Variants in TBC1D5 observed in about 807,000 individuals in gnomAD.
TBC1D5 encodes the protein TBC1 domain family, member 5.
In TBC1D5, 75 loss-of-function variants were observed where a neutral mutation model predicts 100.3. The observed-to-expected ratio is 0.75, with a 90% CI of 0.62 to 0.91. TBC1D5 has a LOEUF of 0.91. Among genes scored for constraint, TBC1D5 ranks in the 40% least tolerant of loss-of-function variants. TBC1D5 has a pLI of 0.00. For synonymous variants in TBC1D5, 323 were observed against 325.6 expected (o/e 0.99, Z 0.09); for missense variants, 910 against 942.4 (o/e 0.97, Z 0.45).
At chr3:17,632,461 G>A (rs2063580574) in intron 1 of TBC1D5, among the ~76,000 whole-genome samples, 1 of 152,216 alleles carries the variant, frequency 6.6e-6, no homozygotes, top group African/African-American at 2.4e-5. Flanking sequence ...CAGTAGCAGA[G>A]TTTGAGAGAA....
intron 15 of TBC1D5, among the ~76,000 whole-genome samples, chr3:17,271,559 C>T (rs1454873736): frequency 2.0e-5 from 3 of 152,070 alleles, no homozygotes; most frequent in Non-Finnish European, 4.4e-5. Flanking sequence ...AAGAGAGATA[C>T]TCTGACTACC....
At chr3:17,718,954 T>C (rs547963279) in intron 1 of TBC1D5, among the ~76,000 whole-genome samples, 3 of 152,162 alleles carry the variant, frequency 2.0e-5, no homozygotes, top group Non-Finnish European at 4.4e-5. Context: ...ACACAAAAAG[T>C]ACAAATTCTT....
intron 18 of TBC1D5, among the ~76,000 whole-genome samples, chr3:17,186,708 TC>T: frequency 7.9e-5 from 1 of 12,724 alleles, no homozygotes; most frequent in Non-Finnish European, 1.4e-4. Flanking sequence ...AAACTCTATC[TC>T]CAAAAAAAAA....
At chr3:17,529,977 C>T (rs919747090) in intron 2 of TBC1D5, among the ~76,000 whole-genome samples, 5 of 152,122 alleles carry the variant, frequency 3.3e-5, no homozygotes, top group Non-Finnish European at 7.4e-5. Context: ...GGCACGGTGC[C>T]TCACACCTGT....
intron 1 of TBC1D5, among the ~76,000 whole-genome samples, chr3:17,675,713 A>T (rs552978323): frequency 6.6e-6 from 1 of 152,290 alleles, no homozygotes; most frequent in East Asian, 1.9e-4. Flanking sequence ...GGTAATTATG[A>T]TGGTGAAATT....
intron 18 of TBC1D5, among the ~76,000 whole-genome samples, chr3:17,193,232 C>A (rs549523624): frequency 6.6e-6 from 1 of 152,280 alleles, no homozygotes; most frequent in East Asian, 1.9e-4. Flanking sequence ...TCATTCAAAC[C>A]CCTTCTCTTC....
intron 2 of TBC1D5, among the ~76,000 whole-genome samples, chr3:17,535,753 A>G (rs1056404705): frequency 6.6e-6 from 1 of 152,188 alleles, no homozygotes; most frequent in African/African-American, 2.4e-5. Flanking sequence ...AAACACACAC[A>G]TAAAAAATCC....
At chr3:17,408,448 T>C (rs992149625) in intron 4 of TBC1D5, among the ~76,000 whole-genome samples, 2 of 151,992 alleles carry the variant, frequency 1.3e-5, no homozygotes, top group African/African-American at 4.8e-5. Flanking sequence ...TAGCTGAGGC[T>C]ACTCAGGAGG....
At chr3:17,417,763 C>T (rs2094118912) in intron 4 of TBC1D5, among the ~76,000 whole-genome samples, 1 of 152,114 alleles carries the variant, frequency 6.6e-6, no homozygotes, top group South Asian at 2.1e-4. Context: ...TGAGGAATCG[C>T]CACACTGACT....
intron 13 of TBC1D5, among the ~76,000 whole-genome samples, chr3:17,323,036 A>C (rs753512219): frequency 1.3e-5 from 2 of 152,244 alleles, no homozygotes; most frequent in Non-Finnish European, 2.9e-5. Context: ...AAAATCTCAA[A>C]GTAGTTTAAC....
chr3:17,489,638 T>C (rs1418524909), intron 3 of TBC1D5, among the ~76,000 whole-genome samples: 1 of 152,172 alleles, frequency 6.6e-6, no homozygotes, highest in African/African-American at 2.4e-5. Flanking sequence ...AACCGCCATG[T>C]CCAGGGTTCA....
intron 1 of TBC1D5, among the ~76,000 whole-genome samples, chr3:17,635,906 G>A (rs1006228767): frequency 6.6e-6 from 1 of 152,046 alleles, no homozygotes; most frequent in African/African-American, 2.4e-5. Context: ...TTAAAAGAAT[G>A]TTTTGGCCGG....
intron 17 of TBC1D5, among the ~76,000 whole-genome samples, chr3:17,223,209 A>G (rs2074472171): frequency 6.6e-6 from 1 of 152,156 alleles, no homozygotes; most frequent in African/African-American, 2.4e-5. Flanking sequence ...TTCATGTTGA[A>G]ATTATATTAA....
intron 8 of TBC1D5, among the ~76,000 whole-genome samples, chr3:17,391,060 C>T (rs1409986028): frequency 2.0e-5 from 3 of 152,102 alleles, no homozygotes; most frequent in Non-Finnish European, 2.9e-5. Context: ...ACCGGCAGGC[C>T]TCTGTACACA....
At chr3:17,709,053 A>G (rs2074445383) in intron 1 of TBC1D5, among the ~76,000 whole-genome samples, 1 of 152,192 alleles carries the variant, frequency 6.6e-6, no homozygotes, top group African/African-American at 2.4e-5. Flanking sequence ...TTCTTGGCAT[A>G]CATGCATATT....
At chr3:17,562,220 C>T (rs1173283443) in intron 2 of TBC1D5, 3 of 151,206 alleles carry the variant, frequency 2.0e-5, no homozygotes, top group Non-Finnish European at 3.0e-5. Context: ...TTGGTCAATA[C>T]AGCATTAGGG....
intron 8 of TBC1D5, 81 bp downstream of exon 8, chr3:17,403,100 A>G: frequency 1.6e-6 from 2 of 1,215,728 alleles, no homozygotes; most frequent in Non-Finnish European, 2.3e-6. Flanking sequence ...AGTTGACTGC[A>G]GATTTTGTGT....
chr3:17,500,259 A>C (rs2095768614), intron 3 of TBC1D5, among the ~76,000 whole-genome samples: 1 of 149,434 alleles, frequency 6.7e-6, no homozygotes, highest in South Asian at 2.1e-4. Context: ...GATATGGACA[A>C]CTCAATGAAA....
At chr3:17,714,057 C>T (rs1330610561) in intron 1 of TBC1D5, among the ~76,000 whole-genome samples, 3 of 152,144 alleles carry the variant, frequency 2.0e-5, no homozygotes, top group Non-Finnish European at 4.4e-5. Flanking sequence ...AAATGGCGGC[C>T]TTAGGCTGTC....
Sources: gnomAD v4.1 joint callset for allele counts (sites outside exome capture counted in the v4.1 genomes callset) on GRCh38, gnomAD v4.1.1 for gene constraint, MANE v1.5 for transcripts, NCBI Gene and HGNC (gene_info 2026-07-23, HGNC 2026-07-21) for gene names.